WRNIP1: variants seen among roughly 807,000 people sequenced by gnomAD.
The protein encoded by WRNIP1 is ATPase WRNIP1.
Under a neutral mutation model 56.1 loss-of-function variants are expected in WRNIP1, and 41 were observed. The observed-to-expected ratio is 0.73, with a 90% confidence interval of 0.57 to 0.95. The LOEUF (loss-of-function observed/expected upper bound fraction) is 0.95, where lower values mean the gene tolerates loss of function less well. Ranked by LOEUF, WRNIP1 falls within the 40% of genes least tolerant of loss-of-function variation. WRNIP1 has a pLI of 0.00. For missense variants in WRNIP1, 1,170 were observed against 939.4 expected, an observed-to-expected ratio of 1.25 and a Z score of -3.21; for synonymous variants, 547 against 398.1, an observed-to-expected ratio of 1.37 and a Z score of -4.45.
chr6:2,766,515 CG>C, intron 1 of WRNIP1, 71 bp downstream of exon 1: 2 of 1,429,824 alleles, frequency 1.4e-6, no homozygotes. Flanking sequence ...GTCGGAGAGC[CG>C]GGTGTGCTGC....
At position 2,783,431 on chromosome 6, in the gene WRNIP1, C is replaced by T. The variant is rs374747846; in HGVS notation, c.1512C>T (p.Ser504=). ...RAGEEHYNCI[S]ALHKSMRGSD... The stretch of plus-strand genomic sequence containing the variant: ...GTGAGGAGCATTACAACTGCATCTC[C>T]GCCCTGCACAAGTCCATGCGGGGCT... Residue 504 remains serine, a synonymous_variant, in exon 5 of 7, where the codon TCC becomes TCT. Coordinates refer to ENST00000380773, the MANE Select transcript of WRNIP1 (RefSeq NM_020135.3). The T allele has an allele frequency of 5.2e-5, 84 of 1,608,738 alleles. No homozygotes were observed. The highest frequency in any genetic ancestry group is 9.0e-5 in the East Asian group (4 of 44,532).
intron 4 of WRNIP1, among the ~76,000 whole-genome samples, chr6:2,782,970 C>T (rs1192113680): frequency 1.3e-5 from 2 of 152,218 alleles, no homozygotes; most frequent in African/African-American, 2.4e-5. Flanking sequence ...TGGGCTATAA[C>T]AGCTGCCCTT....
At chr6:2,770,393 A>G (rs372689428) in intron 3 of WRNIP1, 32 bp downstream of exon 3, 12 of 1,612,254 alleles carry the variant, frequency 7.4e-6, no homozygotes, top group African/African-American at 5.3e-5. Context: ...TCCTGGGGGC[A>G]CACACCTCCC....
chr6:2,785,389 A>G lies in WRNIP1; in HGVS notation c.*107A>G, dbSNP rs1581146564. ...GCCTGGTGGAAGTTAGAACAGACCA[A>G]CATTTTGTGCCAGAAATTTAAGAGT... On this transcript the variant is annotated 3_prime_UTR_variant, in exon 7 of 7. Transcript: ENST00000380773. The G allele has an allele frequency of 3.1e-6, 4 of 1,307,676 alleles. No homozygotes were observed. In the East Asian group the frequency reaches 9.4e-5, roughly 31 times the overall value. The allele number at this position is 1,307,676 out of a possible 1,614,324, so 81.0% of individuals were successfully genotyped here.
intron 3 of WRNIP1, among the ~76,000 whole-genome samples, chr6:2,777,602 C>T (rs1395792997): frequency 6.6e-6 from 1 of 152,226 alleles, no homozygotes; most frequent in Non-Finnish European, 1.5e-5. Context: ...GCTGAGAGTG[C>T]ACCCTTCCCT....
Position 2,765,990 on chromosome 6 carries a change from T to C in WRNIP1, c.368T>C (p.Ile123Thr). ...CCCACACCCAGCGGCGCCCGCCTTATCCCCGACTTCCCGGTGGCCCGCTCC... is the reference window on the plus strand; with the variant it reads ...CCCACACCCAGCGGCGCCCGCCTTACCCCCGACTTCCCGGTGGCCCGCTCC... ...APPTPSGARL[I>T]PDFPVARSSS... Residue 123 changes from isoleucine (I) to threonine (T), a missense_variant, in exon 1 of 7, where the codon ATC becomes ACC. Transcript: ENST00000380773. 1 of 1,383,768 alleles carries C rather than the reference T, an allele frequency of 7.2e-7. No individual in the cohort carries two copies. Among genetic ancestry groups the C allele is most frequent in the Non-Finnish European group, 9.4e-7 (1 of 1,066,804 alleles). 85.7% of individuals were successfully genotyped at this position (1,383,768 alleles called of 1,614,324 possible).
intron 1 of WRNIP1, 87 bp downstream of exon 1, chr6:2,766,531 G>C: frequency 1.4e-6 from 2 of 1,416,212 alleles, no homozygotes; most frequent in Non-Finnish European, 1.9e-6. Context: ...TGCTGCCCTC[G>C]AAAGAAGCCG....
chr6:2,766,194 C>T lies in WRNIP1; in HGVS notation c.572C>T (p.Ala191Val), dbSNP rs750439866. Residue 191 changes from alanine to valine, a missense_variant, in exon 1 of 7, where the codon GCG (alanine) becomes GTG (valine). Transcript: ENST00000380773. ...DGEDDPGHWDADAAEAATAFG... is the reference protein window; with the variant it reads ...DGEDDPGHWDVDAAEAATAFG... Reference sequence around the variant, plus strand: ...GAGGACGACCCGGGGCACTGGGACGCGGACGCTGCCGAAGCCGCCACCGCC... The same window carrying T: ...GAGGACGACCCGGGGCACTGGGACGTGGACGCTGCCGAAGCCGCCACCGCC... 13 of 1,399,680 alleles carry T rather than the reference C, an allele frequency of 9.3e-6. No homozygotes were observed. The Admixed American group carries it at 2.3e-4, about 25-fold the overall frequency. 86.7% of individuals were successfully genotyped at this position (1,399,680 alleles called of 1,614,324 possible). A position where few individuals can be genotyped will look rare whatever the true frequency, so the allele number is the denominator to read the frequency against.
intron 3 of WRNIP1, chr6:2,773,411 C>G (rs1765356283): frequency 2.0e-6 from 2 of 985,300 alleles, no homozygotes; most frequent in Non-Finnish European, 2.4e-6. Flanking sequence ...ATTTCACCTC[C>G]TAGATGAGGG....
intron 3 of WRNIP1, chr6:2,773,749 T>C (rs1338701082): frequency 2.1e-6 from 2 of 957,766 alleles, no homozygotes; most frequent in African/African-American, 3.7e-5. Flanking sequence ...ATAGAATATA[T>C]ACATAGTCAA....
At chr6:2,775,358 A>G (rs775623453) in intron 3 of WRNIP1, among the ~76,000 whole-genome samples, 2 of 152,298 alleles carry the variant, frequency 1.3e-5, no homozygotes, top group East Asian at 1.9e-4. Context: ...AGCTCAGTCT[A>G]TGGTAGGTAA....
In WRNIP1 at chr6:2,785,219, G is replaced by A. The variant is rs748877653; in HGVS notation, c.1935G>A (p.Val645=). The change falls in exon 7 of 7, where the codon GTG becomes GTA. Residue 645 remains valine, a synonymous_variant. Transcript: ENST00000380773. The part of the protein sequence containing the change: ...YKYNPMYSEP[V]DQEYLPEELR... ...ACAACCCCATGTACAGCGAGCCTGT[G>A]GATCAGGAGTACCTGCCTGAAGAGT... 3 of 1,614,186 alleles carry A rather than the reference G, an allele frequency of 1.9e-6. No homozygotes were observed. The South Asian group carries it at 3.3e-5, about 18-fold the overall frequency.
Position 2,785,509 on chromosome 6 carries a change from C to T in WRNIP1, c.*227C>T, listed in dbSNP as rs1479367105. On this transcript the variant is annotated 3_prime_UTR_variant, in exon 7 of 7. Coordinates refer to ENST00000380773, the MANE Select transcript of WRNIP1 (RefSeq NM_020135.3). ...GCAGCGGTTATGCTTATGAAAATAC[C>T]TGGCAGCTTTGTGCAATGAATTAAT... The T allele has an allele frequency of 5.5e-6, 3 of 548,312 alleles. No individual in the cohort carries two copies. The highest frequency in any genetic ancestry group is 3.2e-6 in the Non-Finnish European group (1 of 311,398). 34.0% of individuals were successfully genotyped at this position (548,312 alleles called of 1,614,324 possible).
chr6:2,772,821 T>C (rs1765337340), intron 3 of WRNIP1, among the ~76,000 whole-genome samples: 1 of 152,218 alleles, frequency 6.6e-6, no homozygotes, highest in Non-Finnish European at 1.5e-5. Context: ...AAATTTTGCT[T>C]TCCAATCCCT....
intron 4 of WRNIP1, among the ~76,000 whole-genome samples, chr6:2,782,082 C>G (rs1384236948): frequency 6.6e-6 from 1 of 152,204 alleles, no homozygotes; most frequent in Non-Finnish European, 1.5e-5. Flanking sequence ...TTTCTTCCAG[C>G]CCCCATGCCC....
rs3778263 is a variant in WRNIP1, at chr6:2,786,402, C to A, written c.*1120C>A. On this transcript the variant is annotated 3_prime_UTR_variant, in exon 7 of 7. Coordinates refer to ENST00000380773, the MANE Select transcript of WRNIP1 (RefSeq NM_020135.3). ...GACTGTATGTTGCAGAGGCTTGGCC[C>A]GACTGGCCTCCCTCCTTCTGTCTGG... 6.6e-6 allele frequency: 1 copy of A among 152,142 alleles called. No homozygotes were observed. The highest frequency in any genetic ancestry group is 1.5e-5 in the Non-Finnish European group (1 of 68,060). 9.4% of individuals were successfully genotyped at this position (152,142 alleles called of 1,614,324 possible).
At chr6:2,784,206 A>G (rs936502814) in intron 5 of WRNIP1, 118 bp from the exon 6 acceptor site, 2 of 823,870 alleles carry the variant, frequency 2.4e-6, no homozygotes, top group African/African-American at 1.7e-5. Context: ...GTTTTGCTAC[A>G]TGGGATTGTT....
At position 2,765,401 on chromosome 6, in the gene WRNIP1, C is replaced by A. The variant is rs976739844; in HGVS notation, c.-222C>A. ...GCAAACGGCCACGAACTACACTTCC[C>A]GACACGCCGCGTGAGGCGCTGCCAG... On this transcript the variant is annotated 5_prime_UTR_variant, in exon 1 of 7. Coordinates refer to ENST00000380773, the MANE Select transcript of WRNIP1 (RefSeq NM_020135.3). 90 of 416,910 alleles carry A rather than the reference C, an allele frequency of 2.2e-4. No individual in the cohort carries two copies. The highest frequency in any genetic ancestry group is 1.4e-4 in the Non-Finnish European group (38 of 263,652). The allele number at this position is 416,910 out of a possible 1,614,324, so 25.8% of individuals were successfully genotyped here.
At chr6:2,768,201 A>C (rs1765111645) in intron 1 of WRNIP1, among the ~76,000 whole-genome samples, 1 of 152,152 alleles carries the variant, frequency 6.6e-6, no homozygotes, top group Admixed American at 6.5e-5. Flanking sequence ...GGTGGATGTC[A>C]TTGGTCTCAA....
Sources: allele counts gnomAD v4.1 joint callset (sites outside exome capture counted in the v4.1 genomes callset), GRCh38; gene constraint gnomAD v4.1.1; transcripts MANE v1.5; gene names NCBI Gene and HGNC (gene_info 2026-07-23, HGNC 2026-07-21).